Variants in PRKCA observed in about 807,000 individuals in gnomAD.
The protein encoded by PRKCA is protein kinase C alpha, also known as protein kinase C alpha type.
Under a neutral mutation model 87.0 loss-of-function variants are expected in PRKCA, and 27 were observed. That is an observed-to-expected ratio of 0.31 (90% CI 0.23 to 0.43). PRKCA has a LOEUF of 0.43. PRKCA is among the 20% of genes least tolerant of loss of function. The probability of loss-of-function intolerance (pLI) is 1.00; values close to 1 mark genes in which losing one functional copy is unlikely to be tolerated. For synonymous variants in PRKCA, 329 were observed against 311.1 expected (o/e 1.06, Z -0.61); for missense variants, 518 against 852.3 (o/e 0.61, Z 4.88).
At chr17:66,571,571 C>T (rs892356736) in intron 3 of PRKCA, among the ~76,000 whole-genome samples, 10 of 152,052 alleles carry the variant, frequency 6.6e-5, no homozygotes, top group African/African-American at 2.2e-4. Context: ...GTATACTTAA[C>T]TGAAAGAGGG....
chr17:66,783,891 G>C (rs914093370), intron 14 of PRKCA, among the ~76,000 whole-genome samples: 1 of 152,240 alleles, frequency 6.6e-6, no homozygotes, highest in Non-Finnish European at 1.5e-5. Flanking sequence ...GCCCAACAAG[G>C]TGCACCCCAT....
intron 10 of PRKCA, among the ~76,000 whole-genome samples, chr17:66,737,697 G>T (rs1054647190): frequency 2.0e-5 from 3 of 152,190 alleles, no homozygotes; most frequent in Non-Finnish European, 4.4e-5. Flanking sequence ...CTGGCGGCAC[G>T]TTGAGCTTCC....
chr17:66,407,919 G>C (rs1911514033), intron 2 of PRKCA, among the ~76,000 whole-genome samples: 1 of 152,196 alleles, frequency 6.6e-6, no homozygotes. Flanking sequence ...AGAAATAACA[G>C]ATAAGCAGTT....
chr17:66,443,462 G>A (rs1460569173), intron 2 of PRKCA, among the ~76,000 whole-genome samples: 1 of 152,182 alleles, frequency 6.6e-6, no homozygotes, highest in Admixed American at 6.5e-5. Context: ...TGCTCTGGCT[G>A]TAGAGTGTGC....
chr17:66,761,850 A>T (rs1439335602), intron 13 of PRKCA, among the ~76,000 whole-genome samples: 6 of 152,000 alleles, frequency 3.9e-5, no homozygotes. Flanking sequence ...CTGTTATCCC[A>T]GTTAGTTTGG....
chr17:66,613,488 T>G (rs1970427343), intron 3 of PRKCA, among the ~76,000 whole-genome samples: 1 of 152,136 alleles, frequency 6.6e-6, no homozygotes, highest in African/African-American at 2.4e-5. Flanking sequence ...CAACGGAAAT[T>G]TATTCCCTCA....
chr17:66,540,929 A>G (rs745782807), intron 3 of PRKCA, among the ~76,000 whole-genome samples: 17 of 152,160 alleles, frequency 1.1e-4, no homozygotes, highest in Non-Finnish European at 1.6e-4. Context: ...GGTCACACCT[A>G]TGGTATCCCA....
chr17:66,791,480 C>G (rs557618170), intron 16 of PRKCA, among the ~76,000 whole-genome samples: 8 of 152,140 alleles, frequency 5.3e-5, no homozygotes, highest in Non-Finnish European at 1.0e-4. Context: ...GCAGGGAGAC[C>G]CGTAGACGCT....
At chr17:66,427,454 G>A (rs57826382) in intron 2 of PRKCA, among the ~76,000 whole-genome samples, 16,314 of 152,292 alleles carry the variant, frequency 0.11, 1,201 homozygotes, top group East Asian at 0.22. Flanking sequence ...GGTTCACAAA[G>A]CCTTAAATAT....
intron 2 of PRKCA, among the ~76,000 whole-genome samples, chr17:66,366,577 CAA>C (rs1378053294): frequency 1.3e-5 from 2 of 151,738 alleles, no homozygotes; most frequent in Admixed American, 1.3e-4. Context: ...GAAAATTTGT[CAA>C]AGTTAAATAA....
At chr17:66,515,982 A>G (rs1231066269) in intron 3 of PRKCA, among the ~76,000 whole-genome samples, 2 of 152,210 alleles carry the variant, frequency 1.3e-5, no homozygotes, top group African/African-American at 4.8e-5. Context: ...TGTTGTAATC[A>G]TGAAATATTT....
chr17:66,392,556 T>C (rs1910427316), intron 2 of PRKCA, among the ~76,000 whole-genome samples: 1 of 152,186 alleles, frequency 6.6e-6, no homozygotes, highest in African/African-American at 2.4e-5. Context: ...CTTCTCGGGC[T>C]GTCATTGAAA....
intron 8 of PRKCA, among the ~76,000 whole-genome samples, chr17:66,695,375 C>A (rs1382133358): frequency 6.6e-6 from 1 of 152,204 alleles, no homozygotes; most frequent in African/African-American, 2.4e-5. Flanking sequence ...ACAATGACTA[C>A]TTTTAATTTG....
chr17:66,501,283 C>A (rs189965270), intron 3 of PRKCA, among the ~76,000 whole-genome samples: 2 of 152,252 alleles, frequency 1.3e-5, no homozygotes, highest in Non-Finnish European at 2.9e-5. Context: ...GGAATCTTGG[C>A]AGAGAAAAGG....
intron 3 of PRKCA, among the ~76,000 whole-genome samples, chr17:66,513,469 T>TTATTTAAC (rs1966874335): frequency 6.6e-6 from 1 of 152,234 alleles, no homozygotes; most frequent in Non-Finnish European, 1.5e-5. Context: ...CTTATTTAAC[T>TTATTTAAC]AGAATACTTA....
At position 66,526,734 on chromosome 17, in the gene PRKCA, A is replaced by T. The variant is rs12946814; in HGVS notation, c.288+30451A>T. On this transcript the variant is annotated intron_variant, in intron 3 of 16. Coordinates refer to ENST00000413366, the MANE Select transcript of PRKCA (RefSeq NM_002737.3). ...GGAGGAATTTCAAAGTCATATGAAAAAAAAGGTATGGATACTACAGCCAGG... is the reference window on the plus strand; with the variant it reads ...GGAGGAATTTCAAAGTCATATGAAATAAAAGGTATGGATACTACAGCCAGG... Among the ~76,000 whole-genome samples, 436 of 152,312 alleles carry T rather than the reference A, an allele frequency of 2.9e-3. 3 individuals are homozygous for T. Among genetic ancestry groups the T allele is most frequent in the Middle Eastern group, 6.8e-3 (2 of 294 alleles).
chr17:66,496,889 CGTCTT>C (rs1405107058), intron 3 of PRKCA, among the ~76,000 whole-genome samples: 3 of 151,994 alleles, frequency 2.0e-5, no homozygotes, highest in Non-Finnish European at 4.4e-5. Flanking sequence ...GCAATCCACT[CGTCTT>C]GGCCTCCCAA....
chr17:66,426,217 C>G (rs1912796438), intron 2 of PRKCA, among the ~76,000 whole-genome samples: 1 of 152,038 alleles, frequency 6.6e-6, no homozygotes, highest in African/African-American at 2.4e-5. Flanking sequence ...ATCAGACAGT[C>G]CAGCTGGAGT....
intron 2 of PRKCA, among the ~76,000 whole-genome samples, chr17:66,406,365 A>T (rs1288104497): frequency 1.3e-5 from 2 of 152,206 alleles, no homozygotes; most frequent in Non-Finnish European, 1.5e-5. Flanking sequence ...CTTTATAAAA[A>T]GATCCCCATT....
Sources: allele counts gnomAD v4.1 joint callset (sites outside exome capture counted in the v4.1 genomes callset), GRCh38; gene constraint gnomAD v4.1.1; transcripts MANE v1.5; gene names NCBI Gene and HGNC (gene_info 2026-07-23, HGNC 2026-07-21).